AOPEP: variants seen among roughly 807,000 people sequenced by gnomAD.
AOPEP encodes aminopeptidase O.
AOPEP carries 77 observed loss-of-function variants against 98.1 expected under a neutral mutation model. The observed-to-expected ratio is 0.78, with a 90% CI of 0.65 to 0.95. AOPEP has a LOEUF of 0.95. AOPEP is among the 40% of genes least tolerant of loss of function. AOPEP has a pLI of 0.00. For missense variants in AOPEP, 1,024 were observed against 1,024.7 expected, an observed-to-expected ratio of 1.00 and a Z score of 0.01; for synonymous variants, 346 against 365.3, an observed-to-expected ratio of 0.95 and a Z score of 0.60.
downstream of AOPEP, among the ~76,000 whole-genome samples, chr9:95,089,283 C>G (rs1377366681): frequency 6.6e-6 from 1 of 152,220 alleles, no homozygotes; most frequent in Non-Finnish European, 1.5e-5. Flanking sequence ...AGTATCACAT[C>G]AGAAACTAGC....
chr9:94,841,314 G>C (rs1191771843), intron 5 of AOPEP, among the ~76,000 whole-genome samples: 1 of 152,098 alleles, frequency 6.6e-6, no homozygotes, highest in Non-Finnish European at 1.5e-5. Flanking sequence ...TGGGACTACA[G>C]GCGTGTGCCA....
At chr9:94,830,975 CA>C (rs1202558921) in intron 5 of AOPEP, among the ~76,000 whole-genome samples, 1 of 152,026 alleles carries the variant, frequency 6.6e-6, no homozygotes, top group African/African-American at 2.4e-5. Context: ...GGATAGATTG[CA>C]AAATTTTTTT....
Position 94,730,050 on chromosome 9 carries a change from C to T in AOPEP, c.-136+3299C>T, listed in dbSNP as rs550010180. On this transcript the variant is annotated intron_variant, in intron 1 of 16. Coordinates refer to ENST00000375315, the MANE Select transcript of AOPEP (RefSeq NM_001193329.3). ...CTGTAATCCCAGCACTTTGGAAGGC[C>T]GAGGTGGGTAGATCACGAGGTCAGG... Among the ~76,000 whole-genome samples, 403 of 152,094 alleles carry T rather than the reference C, an allele frequency of 2.6e-3. 4 individuals are homozygous for T. Among genetic ancestry groups the T allele is most frequent in the African/African-American group, 9.2e-3 (383 of 41,496 alleles).
chr9:95,032,711 G>C (rs2064425873), intron 13 of AOPEP, among the ~76,000 whole-genome samples: 1 of 152,190 alleles, frequency 6.6e-6, no homozygotes, highest in Admixed American at 6.5e-5. Flanking sequence ...GTGTTACTTA[G>C]GAATAAATAA....
intron 6 of AOPEP, among the ~76,000 whole-genome samples, chr9:94,926,047 C>T (rs1394845261): frequency 6.6e-6 from 1 of 152,216 alleles, no homozygotes; most frequent in Non-Finnish European, 1.5e-5. Flanking sequence ...CATCTCTTCC[C>T]TGGAGTGCCT....
chr9:95,051,089 CTTTT>C (rs34143867), intron 13 of AOPEP, among the ~76,000 whole-genome samples: 2 of 129,944 alleles, frequency 1.5e-5, no homozygotes, highest in Non-Finnish European at 3.2e-5. Context: ...TTGTGGCTTA[CTTTT>C]TTTTTTTTTT....
intron 5 of AOPEP, among the ~76,000 whole-genome samples, chr9:94,879,533 T>G (rs924579443): frequency 6.6e-6 from 1 of 152,210 alleles, no homozygotes; most frequent in Admixed American, 6.5e-5. Context: ...TCCCTATCTA[T>G]AGCTGGAGAT....
At chr9:94,924,210 A>G in intron 6 of AOPEP, 35 bp downstream of exon 6, 1 of 1,313,294 alleles carries the variant, frequency 7.6e-7, no homozygotes, top group Non-Finnish European at 9.8e-7. Context: ...TTCACTACCC[A>G]GAGTCAAATT....
intron 7 of AOPEP, among the ~76,000 whole-genome samples, chr9:94,947,260 C>T (rs112474628): frequency 0.029 from 4,368 of 151,994 alleles, 238 homozygotes; most frequent in African/African-American, 0.1. Context: ...GGATTACAGG[C>T]GTGATCCACC....
intron 1 of AOPEP, among the ~76,000 whole-genome samples, chr9:94,730,080 C>T (rs1454406874): frequency 5.9e-5 from 9 of 152,058 alleles, no homozygotes; most frequent in Admixed American, 3.9e-4. Flanking sequence ...GTCAGGAGAT[C>T]GAGACCATCC....
chr9:94,905,653 C>T (rs923971276), intron 5 of AOPEP, among the ~76,000 whole-genome samples: 8 of 152,172 alleles, frequency 5.3e-5, no homozygotes, highest in African/African-American at 1.7e-4. Context: ...GCTTTTGCCC[C>T]AATCTTGTTA....
intron 5 of AOPEP, among the ~76,000 whole-genome samples, chr9:94,814,518 G>T (rs1231000228): frequency 1.3e-5 from 2 of 152,206 alleles, no homozygotes; most frequent in Non-Finnish European, 2.9e-5. Context: ...ATACAAGGAT[G>T]TCATCCACAT....
At chr9:94,970,280 C>G (rs2059454957) in intron 10 of AOPEP, among the ~76,000 whole-genome samples, 1 of 152,040 alleles carries the variant, frequency 6.6e-6, no homozygotes, top group South Asian at 2.1e-4. Flanking sequence ...CATCAGTCAC[C>G]CCAGACATCC....
chr9:94,828,181 A>G (rs1219960573), intron 5 of AOPEP, among the ~76,000 whole-genome samples: 1 of 152,174 alleles, frequency 6.6e-6, no homozygotes. Context: ...TTTTCTTGAT[A>G]GTGTCCTCTG....
chr9:95,081,786 A>G (rs1396094603), intron 15 of AOPEP, among the ~76,000 whole-genome samples: 28 of 152,096 alleles, frequency 1.8e-4, no homozygotes, highest in Admixed American at 1.6e-3. Flanking sequence ...TTTTTTGGGA[A>G]AGCACTTTTG....
At chr9:95,070,798 G>T (rs1490900152) in intron 14 of AOPEP, among the ~76,000 whole-genome samples, 1 of 152,260 alleles carries the variant, frequency 6.6e-6, no homozygotes, top group Non-Finnish European at 1.5e-5. Context: ...ACTGGGAGCT[G>T]ATCTCTGGGC....
chr9:94,858,672 G>T (rs1402561138), intron 5 of AOPEP, among the ~76,000 whole-genome samples: 2 of 152,126 alleles, frequency 1.3e-5, no homozygotes, highest in Admixed American at 1.3e-4. Context: ...TGATGTGATG[G>T]GATTAGGAGG....
At chr9:95,143,001 C>T in the AOPEP span, among the ~76,000 whole-genome samples, 219 of 152,342 alleles carry the variant, frequency 1.4e-3, no homozygotes, top group Non-Finnish European at 2.3e-3. Flanking sequence ...ACTGCCCCCA[C>T]TTCAGATGCC....
At chr9:94,971,521 C>T (rs1322858975) in intron 10 of AOPEP, among the ~76,000 whole-genome samples, 1 of 152,170 alleles carries the variant, frequency 6.6e-6, no homozygotes, top group Admixed American at 6.5e-5. Context: ...AGGCCCCACA[C>T]CTACCCCCCG....
Sources: allele counts gnomAD v4.1 joint callset (sites outside exome capture counted in the v4.1 genomes callset), GRCh38; gene constraint gnomAD v4.1.1; transcripts MANE v1.5; gene names NCBI Gene and HGNC (gene_info 2026-07-23, HGNC 2026-07-21).